The following SMOC1 variants were observed in gnomAD, a reference collection of about 807,000 sequenced individuals.
The protein encoded by SMOC1 is SPARC related modular calcium binding 1, also known as SPARC-related modular calcium-binding protein 1.
Under a neutral mutation model 56.3 loss-of-function variants are expected in SMOC1, and 22 were observed. That is an observed-to-expected ratio of 0.39 (90% CI 0.28 to 0.56). The LOEUF (loss-of-function observed/expected upper bound fraction) is 0.56. Ranked by LOEUF, SMOC1 falls within the 20% of genes least tolerant of loss-of-function variation. SMOC1 has a pLI of 0.61. For missense variants in SMOC1, 509 were observed against 565.4 expected, an observed-to-expected ratio of 0.90 and a Z score of 1.01; for synonymous variants, 193 against 215.0, an observed-to-expected ratio of 0.90 and a Z score of 0.89.
chr14:69,947,064 A>G (rs1395171324), intron 1 of SMOC1, among the ~76,000 whole-genome samples: 1 of 150,326 alleles, frequency 6.7e-6, no homozygotes, highest in African/African-American at 2.5e-5. Flanking sequence ...TCTTTTCTTT[A>G]TAAATTACCC....
At chr14:69,899,056 G>A (rs1249121772) in intron 1 of SMOC1, among the ~76,000 whole-genome samples, 1 of 152,164 alleles carries the variant, frequency 6.6e-6, no homozygotes, top group Non-Finnish European at 1.5e-5. Context: ...ACCTTAGGTG[G>A]AGCATGATGG....
At position 69,994,137 on chromosome 14, in the gene SMOC1, C is replaced by A. The variant is rs954606377; in HGVS notation, c.584-263C>A. On this transcript the variant is annotated intron_variant, in intron 6 of 11. Coordinates refer to ENST00000361956, the MANE Select transcript of SMOC1 (RefSeq NM_001034852.3). ...TACCTCCTGGGATAATATTTTTATT[C>A]CTGGATGGAGTGCTCAGTGCCTCTG... 4 of 527,064 alleles carry A rather than the reference C, an allele frequency of 7.6e-6. No homozygotes were observed. The African/African-American group carries it at 7.6e-5, about 10-fold the overall frequency. 32.6% of individuals were successfully genotyped at this position (527,064 alleles called of 1,614,324 possible).
chr14:69,913,332 C>A (rs1884603670), intron 1 of SMOC1, among the ~76,000 whole-genome samples: 1 of 152,146 alleles, frequency 6.6e-6, no homozygotes, highest in African/African-American at 2.4e-5. Flanking sequence ...TCCTTACCAG[C>A]TTCCTAGGAA....
intron 1 of SMOC1, among the ~76,000 whole-genome samples, chr14:69,943,837 C>A (rs564083361): frequency 1.3e-5 from 2 of 152,336 alleles, no homozygotes; most frequent in East Asian, 3.9e-4. Flanking sequence ...TTCTGTTCTC[C>A]TGGGGGCAAC....
intron 3 of SMOC1, among the ~76,000 whole-genome samples, chr14:69,957,938 A>T (rs1167510584): frequency 6.6e-6 from 1 of 152,254 alleles, no homozygotes; most frequent in East Asian, 1.9e-4. Flanking sequence ...ACACGCAGAA[A>T]AGAGATTAAG....
chr14:69,982,902 C>G (rs944847367), intron 5 of SMOC1, among the ~76,000 whole-genome samples: 9 of 152,224 alleles, frequency 5.9e-5, no homozygotes, highest in Admixed American at 5.2e-4. Flanking sequence ...TGAAACAGAA[C>G]TGTGCCTGAG....
intron 1 of SMOC1, among the ~76,000 whole-genome samples, chr14:69,948,088 G>A (rs1389124953): frequency 6.6e-6 from 1 of 152,210 alleles, no homozygotes; most frequent in Non-Finnish European, 1.5e-5. Context: ...ATCACTTATT[G>A]AGTACAGAGC....
chr14:70,015,843 GA>G (rs1187935169), intron 10 of SMOC1, among the ~76,000 whole-genome samples: 2 of 151,882 alleles, frequency 1.3e-5, no homozygotes, highest in Admixed American at 6.6e-5. Flanking sequence ...TTTAGAATAT[GA>G]AAAAAATACC....
Position 69,977,903 on chromosome 14 carries a change from C to T in SMOC1, c.479-15C>T. The T allele has an allele frequency of 1.2e-6, 2 of 1,613,302 alleles. No homozygotes were observed. The highest frequency in any genetic ancestry group is 1.7e-6 in the Non-Finnish European group (2 of 1,179,292). The stretch of plus-strand genomic sequence containing the variant: ...ATTCTGAGTGGCTATGTTTTTGTTT[C>T]CCTTCTCACCCAAGGTTCAGTCACC... On this transcript the variant is annotated splice_polypyrimidine_tract_variant and intron_variant, in intron 4 of 11. Transcript: ENST00000361956.
At chr14:69,922,032 G>A (rs1037973598) in intron 1 of SMOC1, among the ~76,000 whole-genome samples, 4 of 152,184 alleles carry the variant, frequency 2.6e-5, no homozygotes, top group African/African-American at 9.7e-5. Context: ...TGAGAATCAG[G>A]CAGTGCCCCA....
chr14:69,998,178 G>A (rs1884839589), intron 7 of SMOC1, among the ~76,000 whole-genome samples: 1 of 152,196 alleles, frequency 6.6e-6, no homozygotes, highest in African/African-American at 2.4e-5. Flanking sequence ...ACTATAGTCA[G>A]TGTCGCCTTT....
chr14:69,948,751 C>G (rs1882886279), intron 1 of SMOC1, among the ~76,000 whole-genome samples: 1 of 152,150 alleles, frequency 6.6e-6, no homozygotes, highest in South Asian at 2.1e-4. Context: ...AGAACTTATA[C>G]GTGACTTAGG....
chr14:70,011,012 C>T (rs1885316752), intron 8 of SMOC1, 66 bp downstream of exon 8: 4 of 1,577,190 alleles, frequency 2.5e-6, no homozygotes, highest in Non-Finnish European at 3.5e-6. Context: ...CTGGCATCTC[C>T]CAGTGTTCCT....
intron 1 of SMOC1, among the ~76,000 whole-genome samples, chr14:69,941,093 GTCC>G (rs79844299): frequency 0.048 from 7,299 of 152,260 alleles, 226 homozygotes; most frequent in Non-Finnish European, 0.073. Flanking sequence ...ATCTCCACTT[GTCC>G]TCCTTTCTCC....
intron 1 of SMOC1, among the ~76,000 whole-genome samples, chr14:69,928,612 C>T (rs71423383): frequency 0.13 from 10,564 of 78,804 alleles, 466 homozygotes; most frequent in Middle Eastern, 0.23. Context: ...TAGAGGTGCT[C>T]ATTGGGGGGG....
At chr14:69,881,612 A>C (rs1184512177) in intron 1 of SMOC1, among the ~76,000 whole-genome samples, 1 of 151,676 alleles carries the variant, frequency 6.6e-6, no homozygotes, top group East Asian at 1.9e-4. Context: ...GCTGCTTCAC[A>C]CTCTCTCTCT....
chr14:69,969,857 C>G (rs1295386986), intron 3 of SMOC1, among the ~76,000 whole-genome samples: 1 of 152,192 alleles, frequency 6.6e-6, no homozygotes, highest in African/African-American at 2.4e-5. Context: ...TCTATTCACA[C>G]CTCACAGAAC....
intron 3 of SMOC1, among the ~76,000 whole-genome samples, chr14:69,970,314 C>T (rs940947964): frequency 4.6e-5 from 7 of 152,248 alleles, no homozygotes; most frequent in Middle Eastern, 3.4e-3. Flanking sequence ...TTCCATCTGC[C>T]GGGACAAGGT....
At chr14:69,898,668 A>G (rs142497954) in intron 1 of SMOC1, among the ~76,000 whole-genome samples, 151 of 152,116 alleles carry the variant, frequency 9.9e-4, no homozygotes, top group African/African-American at 3.4e-3. Flanking sequence ...CTCTGTTTAT[A>G]TTACCTATCT....
Sources: allele counts gnomAD v4.1 joint callset (sites outside exome capture counted in the v4.1 genomes callset), GRCh38; gene constraint gnomAD v4.1.1; transcripts MANE v1.5; gene names NCBI Gene and HGNC (gene_info 2026-07-23, HGNC 2026-07-21).